CBX2: variants seen among roughly 807,000 people sequenced by gnomAD.
CBX2 encodes the protein chromobox 2.
Under a neutral mutation model 21.0 loss-of-function variants are expected in CBX2, and 11 were observed. That is an observed-to-expected ratio of 0.52 (90% CI 0.33 to 0.87). The LOEUF (loss-of-function observed/expected upper bound fraction) is 0.87, where lower values mean the gene tolerates loss of function less well. Among genes scored for constraint, CBX2 ranks in the 40% least tolerant of loss-of-function variants. The pLI, the probability that CBX2 is intolerant of heterozygous loss-of-function variation, is 0.02. For missense variants in CBX2, 746 were observed against 724.3 expected (o/e 1.03, Z -0.34); for synonymous variants, 364 against 304.6 (o/e 1.19, Z -2.03).
chr17:79,783,497 C>T (rs1166710692), intron 4 of CBX2, among the ~76,000 whole-genome samples: 1 of 151,914 alleles, frequency 6.6e-6, no homozygotes, highest in Non-Finnish European at 1.5e-5. Context: ...GCAGCCTCCA[C>T]CTCCCGATTT....
rs1418044218 is a variant in CBX2 at position 79,784,073 on chromosome 17, C to A, written c.630C>A (p.Gly210=). 6.2e-7 allele frequency: 1 copy of A among 1,612,414 alleles called. No individual in the cohort carries two copies. The highest frequency in any genetic ancestry group is 8.5e-7 in the Non-Finnish European group (1 of 1,179,720). Reference sequence around the variant, plus strand: ...CTCCACTCAGCGCCCCCGTTGCAGGCCTGGCAGCTCTGAAGGCCCACGCCA... The same window carrying A: ...CTCCACTCAGCGCCCCCGTTGCAGGACTGGCAGCTCTGAAGGCCCACGCCA... The part of the protein sequence containing the change: ...LPPPLSAPVA[G]LAALKAHAKE... The change falls in exon 5 of 5, where the codon GGC becomes GGA. Residue 210 remains glycine, a synonymous_variant. Transcript: ENST00000310942. The surrounding 1 kb of genome is among the most constrained non-coding windows in gnomAD (Gnocchi z 5.9).
Position 79,781,345 on chromosome 17 carries a change from C to T in CBX2, c.183-351C>T, listed in dbSNP as rs868917341. Among the ~76,000 whole-genome samples the T allele has an allele frequency of 3.3e-5, 5 of 152,098 alleles. No homozygotes were observed. In the South Asian group the frequency reaches 6.2e-4, roughly 19 times the overall value. On this transcript the variant is annotated intron_variant, in intron 3 of 4. Coordinates refer to ENST00000310942, the MANE Select transcript of CBX2 (RefSeq NM_005189.3). The stretch of plus-strand genomic sequence containing the variant: ...CCTATTGAAAGTAAGGAGGTTGGAC[C>T]GTGTGGCCACCGAGGCCACTTCTGG...
chr17:79,781,650 G>A, intron 3 of CBX2, 46 bp from the exon 4 acceptor site: 1 of 1,513,804 alleles, frequency 6.6e-7, no homozygotes, highest in Admixed American at 1.7e-5. Context: ...TGGTAGAAGG[G>A]GTACGCACAG....
rs1362307798 is a variant in CBX2, at chr17:79,787,048, CAGTA to C, written c.*2009_*2012del. ...TAGCTAGGCCAGAGCTGGAAGCAGACAGTAAGGGGAAGAGCTGCTCCCACAGGAG... is the reference window on the plus strand; with the variant it reads ...TAGCTAGGCCAGAGCTGGAAGCAGACAGGGGAAGAGCTGCTCCCACAGGAG... On this transcript the variant is annotated 3_prime_UTR_variant, in exon 5 of 5. Coordinates refer to ENST00000310942, the MANE Select transcript of CBX2 (RefSeq NM_005189.3). 1.3e-5 allele frequency: 2 copies of C among 152,508 alleles called. No individual in the cohort carries two copies. The highest frequency in any genetic ancestry group is 2.4e-5 in the African/African-American group (1 of 41,462). 9.4% of individuals were successfully genotyped at this position (152,508 alleles called of 1,614,324 possible). A position where few individuals can be genotyped will look rare whatever the true frequency, so the allele number is the denominator to read the frequency against.
chr17:79,785,066 G>T lies in CBX2; in HGVS notation c.*24G>T. 1 of 1,577,910 alleles carries T rather than the reference G, an allele frequency of 6.3e-7. No homozygotes were observed. Among genetic ancestry groups the T allele is most frequent in the Non-Finnish European group, 8.6e-7 (1 of 1,160,728 alleles). ...GAAGCCCCGGCGCCACCAGCTGCGC[G>T]GTCTTACTCCCCTTCCCTGCCTATG... On this transcript the variant is annotated 3_prime_UTR_variant, in exon 5 of 5. Transcript: ENST00000310942.
chr17:79,784,195 G>A lies in CBX2; in HGVS notation c.752G>A (p.Ser251Asn), dbSNP rs1907449626. Residue 251 changes from serine (S) to asparagine (N), a missense_variant, in exon 5 of 5, where the codon AGC (serine) becomes AAC (asparagine). Around this residue, in one of 2 missense-constraint regions of CBX2, gnomAD observed 701 missense variants for 650.7 expected, o/e 1.08. Coordinates refer to ENST00000310942, the MANE Select transcript of CBX2 (RefSeq NM_005189.3). The surrounding 1 kb of genome is among the most constrained non-coding windows in gnomAD (Gnocchi z 5.9). The stretch of plus-strand genomic sequence containing the variant: ...AGTAGCCCCGGCCGGGGTGGCATCA[G>A]CTGGCAGAGCTCCATCGTGCACTAC... ...MASSPGRGGI[S>N]WQSSIVHYMN... 6.2e-7 allele frequency: 1 copy of A among 1,612,780 alleles called. No individual in the cohort carries two copies. The highest frequency in any genetic ancestry group is 8.5e-7 in the Non-Finnish European group (1 of 1,179,936).
At position 79,778,488 on chromosome 17, in the gene CBX2, A is replaced by G. The variant is rs2145819674; in HGVS notation, c.116+61A>G. ...CCCTCGCCCGGGGGTGGGGACGTGGAGCCCCTCGGCCGCGCCGTCCGGTGG... is the reference window on the plus strand; with the variant it reads ...CCCTCGCCCGGGGGTGGGGACGTGGGGCCCCTCGGCCGCGCCGTCCGGTGG... On this transcript the variant is annotated intron_variant, in intron 2 of 4. Coordinates refer to ENST00000310942, the MANE Select transcript of CBX2 (RefSeq NM_005189.3). The surrounding 1 kb of genome is among the most constrained non-coding windows in gnomAD (Gnocchi z 4.8). 8.4e-7 allele frequency: 1 copy of G among 1,195,266 alleles called. No homozygotes were observed. The highest frequency in any genetic ancestry group is 1.4e-5 in the South Asian group (1 of 71,018). 74.0% of individuals were successfully genotyped at this position (1,195,266 alleles called of 1,614,324 possible). A position where few individuals can be genotyped will look rare whatever the true frequency, so the allele number is the denominator to read the frequency against.
At position 79,784,758 on chromosome 17, in the gene CBX2, G is replaced by A. The variant is rs1907513187; in HGVS notation, c.1315G>A (p.Gly439Arg). The A allele has an allele frequency of 6.2e-7, 1 of 1,610,854 alleles. No homozygotes were observed. Among genetic ancestry groups the A allele is most frequent in the Non-Finnish European group, 8.5e-7 (1 of 1,179,070 alleles). Residue 439 changes from glycine (G) to arginine (R), a missense_variant, in exon 5 of 5, where the codon GGG becomes AGG. Transcript: ENST00000310942. The surrounding 1 kb of genome is among the most constrained non-coding windows in gnomAD (Gnocchi z 5.9). ...DCVKGSATPS[G>R]QESRTAPGEA... ...TGTCAAGGGCAGTGCTACCCCCAGT[G>A]GGCAGGAGAGCCGCACAGCCCCCGG... is the stretch of plus-strand genomic sequence containing the variant.
Position 79,786,182 on chromosome 17 carries a change from A to G in CBX2, c.*1140A>G, listed in dbSNP as rs1015221040. On this transcript the variant is annotated 3_prime_UTR_variant, in exon 5 of 5. Coordinates refer to ENST00000310942, the MANE Select transcript of CBX2 (RefSeq NM_005189.3). ...CAGCAGTGCTGGCACTTGGGTGTCCATGGGCCCGTCTGCCGGCTCTGCCTG... is the reference window on the plus strand; with the variant it reads ...CAGCAGTGCTGGCACTTGGGTGTCCGTGGGCCCGTCTGCCGGCTCTGCCTG... 3 of 152,644 alleles carry G rather than the reference A, an allele frequency of 2.0e-5. No homozygotes were observed. The highest frequency in any genetic ancestry group is 4.4e-5 in the Non-Finnish European group (3 of 68,124). The allele number at this position is 152,644 out of a possible 1,614,324, so 9.5% of individuals were successfully genotyped here.
In CBX2 at chr17:79,778,482, A is replaced by G; in HGVS notation, c.116+55A>G. 1 of 1,224,118 alleles carries G rather than the reference A, an allele frequency of 8.2e-7. No homozygotes were observed. The highest frequency in any genetic ancestry group is 1.1e-6 in the Non-Finnish European group (1 of 895,098). The allele number at this position is 1,224,118 out of a possible 1,614,324, so 75.8% of individuals were successfully genotyped here. On this transcript the variant is annotated intron_variant, in intron 2 of 4. Coordinates refer to ENST00000310942, the MANE Select transcript of CBX2 (RefSeq NM_005189.3). This position sits in a 1 kb window ranked among gnomAD's most constrained non-coding sequence, Gnocchi z 4.8. ...CCCGCCCCCTCGCCCGGGGGTGGGG[A>G]CGTGGAGCCCCTCGGCCGCGCCGTC...
At chr17:79,777,395 G>C (rs1004460877), upstream of CBX2, among the ~76,000 whole-genome samples, 4 of 152,102 alleles carry the variant, frequency 2.6e-5, no homozygotes, top group Non-Finnish European at 4.4e-5. Flanking sequence ...GGTGCAGCTG[G>C]TTTTCTCCCT....
chr17:79,782,120 G>A (rs781799573), intron 4 of CBX2: 46 of 1,613,100 alleles, frequency 2.9e-5, no homozygotes, highest in Non-Finnish European at 3.6e-5. Flanking sequence ...CTTGGGGGAC[G>A]GAAAGGAACA....
In CBX2 at chr17:79,784,129, C is replaced by A. The variant is rs1217140432; in HGVS notation, c.686C>A (p.Ala229Asp). 6.2e-7 allele frequency: 1 copy of A among 1,611,886 alleles called. No individual in the cohort carries two copies. Among genetic ancestry groups the A allele is most frequent in the African/African-American group, 1.3e-5 (1 of 74,928 alleles). ...GCCTGTGGCGGCCCCAGTGCCATGG[C>A]CACCCCAGAGAACCTGGCCAGCCTA... ...KEACGGPSAM[A>D]TPENLASLMK... The change falls in exon 5 of 5, where the codon GCC (alanine) becomes GAC (aspartate). Residue 229 changes from alanine to aspartate, a missense_variant. By Grantham distance (126) the Ala-to-Asp change is moderately radical. Transcript: ENST00000310942. The surrounding 1 kb of genome is among the most constrained non-coding windows in gnomAD (Gnocchi z 5.9).
At chr17:79,779,518 G>A in intron 3 of CBX2, 91 bp downstream of exon 3, 1 of 1,195,590 alleles carries the variant, frequency 8.4e-7, no homozygotes, top group Non-Finnish European at 1.2e-6. Flanking sequence ...CCGGGAGGCT[G>A]GAGCTGGGGC....
Position 79,785,266 on chromosome 17 carries a change from C to A in CBX2, c.*224C>A, listed in dbSNP as rs1417838863. On this transcript the variant is annotated 3_prime_UTR_variant, in exon 5 of 5. Transcript: ENST00000310942. Reference sequence around the variant, plus strand: ...TGCCTTGTTGGTCTCCACCTTGTTCCTACCTCTGCAGGCCTCTTTGCTCTC... The same window carrying A: ...TGCCTTGTTGGTCTCCACCTTGTTCATACCTCTGCAGGCCTCTTTGCTCTC... The A allele has an allele frequency of 3.3e-6, 2 of 598,622 alleles. No individual in the cohort carries two copies. Among genetic ancestry groups the A allele is most frequent in the Non-Finnish European group, 6.0e-6 (2 of 335,960 alleles). 37.1% of individuals were successfully genotyped at this position (598,622 alleles called of 1,614,324 possible).
chr17:79,782,127 A>G (rs1555830505), intron 4 of CBX2: 1 of 1,613,054 alleles, frequency 6.2e-7, no homozygotes. Flanking sequence ...GACGGAAAGG[A>G]ACAGGAAGCA....
At position 79,784,911 on chromosome 17, in the gene CBX2, A is replaced by C; in HGVS notation, c.1468A>C (p.Ser490Arg). The C allele has an allele frequency of 1.2e-6, 2 of 1,613,526 alleles. No individual in the cohort carries two copies. The highest frequency in any genetic ancestry group is 1.7e-6 in the Non-Finnish European group (2 of 1,180,026). ...GAACCCGTCAGTGTCCGTTCAGACC[A>C]GCCAGGACTGGAAGCCCACCCGCAG... ...GQNPSVSVQTSQDWKPTRSLI... is the reference protein window; with the variant it reads ...GQNPSVSVQTRQDWKPTRSLI... Residue 490 changes from serine (S) to arginine (R), a missense_variant, in exon 5 of 5, where the codon AGC becomes CGC. By Grantham distance (110) the Ser-to-Arg change is moderately radical (BLOSUM62 -1). This residue lies in a region of CBX2 where 701 missense variants were observed against 650.7 expected (regional missense o/e 1.08). Transcript: ENST00000310942. The surrounding 1 kb of genome is among the most constrained non-coding windows in gnomAD (Gnocchi z 5.9).
rs141196296 is a variant in CBX2, at chr17:79,783,999, C to T, written c.556C>T (p.Leu186=). The stretch of plus-strand genomic sequence containing the variant: ...AAGACCCGTGAGCCTGGCCAAGGTG[C>T]TGAAGACCGCCCGGAAGGATCTGGG... The part of the protein sequence containing the change: ...TRRPVSLAKV[L]KTARKDLGAP... The change falls in exon 5 of 5, where the codon CTG becomes TTG. Residue 186 remains leucine (L), a synonymous_variant. Coordinates refer to ENST00000310942, the MANE Select transcript of CBX2 (RefSeq NM_005189.3). 3.3e-5 allele frequency: 53 copies of T among 1,613,484 alleles called. No homozygotes were observed. In the Middle Eastern group the frequency reaches 6.6e-4, roughly 20 times the overall value.
chr17:79,777,490 C>A (rs1555829147), upstream of CBX2, among the ~76,000 whole-genome samples: 1 of 152,222 alleles, frequency 6.6e-6, no homozygotes, highest in Non-Finnish European at 1.5e-5. Flanking sequence ...ACTTCTTTCT[C>A]AGAGTGCTTG....
Sources: gnomAD v4.1 joint callset for allele counts (sites outside exome capture counted in the v4.1 genomes callset) on GRCh38, gnomAD v4.1.1 for gene constraint, gnomAD v4.1.1 regional missense constraint, Gnocchi (gnomAD v3.1) non-coding constraint, MANE v1.5 for transcripts, NCBI Gene and HGNC (gene_info 2026-07-23, HGNC 2026-07-21) for gene names.